The following UBE3C variants were observed in gnomAD, a reference collection of about 807,000 sequenced individuals.
UBE3C encodes ubiquitin protein ligase E3C.
Under a neutral mutation model 129.4 loss-of-function variants are expected in UBE3C, and 42 were observed. The ratio of observed to expected loss-of-function variants is 0.32; its 90% CI spans 0.25 to 0.42. The LOEUF (loss-of-function observed/expected upper bound fraction) is 0.42. Among genes scored for constraint, UBE3C ranks in the 10% least tolerant of loss-of-function variants. The pLI, the probability that UBE3C is intolerant of heterozygous loss-of-function variation, is 1.00. For synonymous variants in UBE3C, 510 were observed against 492.4 expected (o/e 1.04, Z -0.47); for missense variants, 1,049 against 1,319.1 (o/e 0.80, Z 3.17).
intron 22 of UBE3C, among the ~76,000 whole-genome samples, chr7:157,261,231 G>A (rs1214917986): frequency 3.6e-5 from 5 of 140,660 alleles, no homozygotes; most frequent in Non-Finnish European, 4.6e-5. Flanking sequence ...GCTTGAACCC[G>A]GAAGGTGGAG....
chr7:157,239,771 T>C (rs2116657713), intron 18 of UBE3C, among the ~76,000 whole-genome samples: 1 of 152,276 alleles, frequency 6.6e-6, no homozygotes, highest in South Asian at 2.1e-4. Flanking sequence ...AACCACACCC[T>C]GCAAAGTGAG....
At chr7:157,211,906 G>A (rs115945756) in intron 13 of UBE3C, among the ~76,000 whole-genome samples, 1,564 of 152,198 alleles carry the variant, frequency 0.01, 24 homozygotes, top group African/African-American at 0.035. Context: ...CACAGAGGCC[G>A]GTCCTGTGGA....
intron 22 of UBE3C, among the ~76,000 whole-genome samples, chr7:157,257,695 CCACTG>C (rs1796787051): frequency 6.9e-6 from 1 of 145,590 alleles, no homozygotes; most frequent in African/African-American, 2.6e-5. Flanking sequence ...CGAGATCGCG[CCACTG>C]CACTGCACTC....
intron 18 of UBE3C, among the ~76,000 whole-genome samples, chr7:157,242,308 CAT>C (rs1346999241): frequency 1.3e-5 from 2 of 152,168 alleles, no homozygotes; most frequent in Non-Finnish European, 2.9e-5. Flanking sequence ...GTTAGGGAAA[CAT>C]AGTACCTGAT....
Position 157,254,405 on chromosome 7 carries a change from T to TA in UBE3C, c.2950+95_2950+96insA, listed in dbSNP as rs59204525. The TA allele has an allele frequency of 4.1e-5, 32 of 772,440 alleles. 2 individuals carry two copies. Among genetic ancestry groups the TA allele is most frequent in the African/African-American group, 7.5e-5 (4 of 53,230 alleles). 47.8% of individuals were successfully genotyped at this position (772,440 alleles called of 1,614,324 possible). ...TTTTATTTTAATTAATTTATTTATT[T>TA]TTTTTTTTTCAGACTGAGTTTCACT... On this transcript the variant is annotated intron_variant, in intron 21 of 22. Transcript: ENST00000348165.
chr7:157,258,448 GT>G (rs1305805801), intron 22 of UBE3C, among the ~76,000 whole-genome samples: 1 of 151,610 alleles, frequency 6.6e-6, no homozygotes, highest in Non-Finnish European at 1.5e-5. Context: ...TGTTGTTGCT[GT>G]TTTGTTTGTT....
intron 5 of UBE3C, among the ~76,000 whole-genome samples, chr7:157,177,893 C>G (rs1359609123): frequency 1.3e-5 from 2 of 151,726 alleles, no homozygotes; most frequent in East Asian, 3.9e-4. Context: ...CCTCCTGGGT[C>G]CCTCATTAAA....
At chr7:157,248,875 G>C (rs1392521539) in intron 19 of UBE3C, among the ~76,000 whole-genome samples, 2 of 152,146 alleles carry the variant, frequency 1.3e-5, no homozygotes, top group Non-Finnish European at 2.9e-5. Flanking sequence ...TCTTCCCGGT[G>C]CTGGGGGTGG....
intron 19 of UBE3C, among the ~76,000 whole-genome samples, chr7:157,252,825 G>A (rs115339892): frequency 6.6e-6 from 1 of 152,178 alleles, no homozygotes; most frequent in Non-Finnish European, 1.5e-5. Context: ...TTTATTTTGG[G>A]CTTATTTTAT....
intron 1 of UBE3C, among the ~76,000 whole-genome samples, chr7:157,161,515 A>G (rs1808070100): frequency 6.6e-6 from 1 of 151,664 alleles, no homozygotes; most frequent in South Asian, 2.1e-4. Flanking sequence ...GCAGTGGCAC[A>G]ATCTCGGCTC....
intron 1 of UBE3C, among the ~76,000 whole-genome samples, chr7:157,144,143 C>T (rs1303702450): frequency 2.0e-5 from 3 of 152,176 alleles, no homozygotes; most frequent in Non-Finnish European, 2.9e-5. Flanking sequence ...CAAACAGGGC[C>T]GAACACAGGC....
intron 10 of UBE3C, among the ~76,000 whole-genome samples, chr7:157,187,413 A>G (rs1437962234): frequency 6.8e-6 from 1 of 146,424 alleles, no homozygotes; most frequent in Admixed American, 6.9e-5. Flanking sequence ...TTCAGACAGC[A>G]TCTCACTCTG....
intron 1 of UBE3C, among the ~76,000 whole-genome samples, chr7:157,150,970 C>G (rs1195699586): frequency 6.6e-6 from 1 of 152,234 alleles, no homozygotes; most frequent in Non-Finnish European, 1.5e-5. Context: ...CAGTTCTCGG[C>G]CGCTTGCGGG....
intron 5 of UBE3C, among the ~76,000 whole-genome samples, chr7:157,176,595 A>G (rs896304256): frequency 6.6e-6 from 1 of 152,236 alleles, no homozygotes; most frequent in African/African-American, 2.4e-5. Flanking sequence ...TTCTTTAACA[A>G]CAAGAAAACA....
chr7:157,161,557 T>C (rs1054249513), intron 1 of UBE3C, among the ~76,000 whole-genome samples: 1 of 151,880 alleles, frequency 6.6e-6, no homozygotes, highest in Non-Finnish European at 1.5e-5. Context: ...GTTCAAGTGA[T>C]CTTTCTGCCT....
intron 4 of UBE3C, among the ~76,000 whole-genome samples, chr7:157,173,921 C>A (rs76874580): frequency 3.3e-5 from 5 of 152,114 alleles, no homozygotes; most frequent in Admixed American, 6.5e-5. Context: ...TTAAGACATG[C>A]GCTAATTTAT....
At chr7:157,211,297 T>C (rs978825404) in intron 13 of UBE3C, among the ~76,000 whole-genome samples, 2 of 152,176 alleles carry the variant, frequency 1.3e-5, no homozygotes, top group Non-Finnish European at 2.9e-5. Flanking sequence ...CAGTGCCCTG[T>C]TAATATAATC....
intron 11 of UBE3C, among the ~76,000 whole-genome samples, chr7:157,204,479 A>T (rs1417338605): frequency 2.0e-5 from 3 of 151,602 alleles, no homozygotes; most frequent in Non-Finnish European, 4.4e-5. Context: ...CTGCAACCTC[A>T]CAAGCTTATC....
intron 18 of UBE3C, among the ~76,000 whole-genome samples, chr7:157,245,379 G>A (rs1796446433): frequency 6.6e-6 from 1 of 152,130 alleles, no homozygotes; most frequent in South Asian, 2.1e-4. Context: ...TCAGCACCTG[G>A]AATCAATCAT....
Sources: allele counts gnomAD v4.1 joint callset (sites outside exome capture counted in the v4.1 genomes callset), GRCh38; gene constraint gnomAD v4.1.1; transcripts MANE v1.5; gene names NCBI Gene and HGNC (gene_info 2026-07-23, HGNC 2026-07-21).